AKAP6: variants seen among roughly 807,000 people sequenced by gnomAD.
The protein encoded by AKAP6 is A-kinase anchor protein 6.
A neutral mutation model predicts 188.5 loss-of-function variants in AKAP6; 58 were observed. The ratio of observed to expected loss-of-function variants is 0.31; its 90% CI spans 0.25 to 0.38. The LOEUF (loss-of-function observed/expected upper bound fraction) is 0.38. AKAP6 is among the 10% of genes least tolerant of loss of function. The pLI, the probability that AKAP6 is intolerant of heterozygous loss-of-function variation, is 1.00. For missense variants in AKAP6, 2,710 were observed against 2,740.0 expected, an observed-to-expected ratio of 0.99 and a Z score of 0.24; for synonymous variants, 989 against 998.6, an observed-to-expected ratio of 0.99 and a Z score of 0.18.
intron 12 of AKAP6, among the ~76,000 whole-genome samples, chr14:32,786,026 A>T (rs1292232440): frequency 6.6e-6 from 1 of 152,126 alleles, no homozygotes; most frequent in African/African-American, 2.4e-5. Context: ...TTTTTAGGAA[A>T]ATGTTCTGGG....
At chr14:32,750,755 T>A (rs1230143520) in intron 11 of AKAP6, among the ~76,000 whole-genome samples, 1 of 150,740 alleles carries the variant, frequency 6.6e-6, no homozygotes, top group Non-Finnish European at 1.5e-5. Context: ...TTTTTTGTTT[T>A]TTTTTCAGAT....
chr14:32,450,946 G>T (rs940271830), intron 2 of AKAP6, among the ~76,000 whole-genome samples: 1 of 152,038 alleles, frequency 6.6e-6, no homozygotes, highest in Admixed American at 6.6e-5. Flanking sequence ...ATTTATAATA[G>T]TAAAATGTTG....
chr14:32,664,548 A>G (rs981229476), intron 7 of AKAP6, among the ~76,000 whole-genome samples: 1 of 152,142 alleles, frequency 6.6e-6, no homozygotes, highest in African/African-American at 2.4e-5. Context: ...TTAAGTCACA[A>G]TTTTGTTTAA....
chr14:32,686,685 G>T (rs979833382), intron 8 of AKAP6, among the ~76,000 whole-genome samples: 2 of 152,154 alleles, frequency 1.3e-5, no homozygotes, highest in African/African-American at 4.8e-5. Flanking sequence ...ACTAGGTAGG[G>T]GGAGTATCTG....
Position 32,830,591 on chromosome 14 carries a change from C to T in AKAP6, c.*786C>T, listed in dbSNP as rs1418236451. The T allele has an allele frequency of 1.3e-5, 2 of 152,402 alleles. No individual in the cohort carries two copies. The highest frequency in any genetic ancestry group is 2.4e-5 in the African/African-American group (1 of 41,366). 9.4% of individuals were successfully genotyped at this position (152,402 alleles called of 1,614,324 possible). On this transcript the variant is annotated 3_prime_UTR_variant, in exon 14 of 14. Coordinates refer to ENST00000280979, the MANE Select transcript of AKAP6 (RefSeq NM_004274.5). ...ACCATTTATTAAAAAGCTGCTTTCA[C>T]GGTAAAATTATGTTGGTTTGAAAGG... is the stretch of plus-strand genomic sequence containing the variant.
At chr14:32,754,218 C>G (rs1004693498) in intron 11 of AKAP6, among the ~76,000 whole-genome samples, 1 of 151,958 alleles carries the variant, frequency 6.6e-6, no homozygotes, top group African/African-American at 2.4e-5. Context: ...ATTGTTATAT[C>G]CTTTAGATGA....
intron 2 of AKAP6, among the ~76,000 whole-genome samples, chr14:32,440,274 G>A (rs1382498441): frequency 1.4e-5 from 2 of 147,464 alleles, no homozygotes; most frequent in Non-Finnish European, 3.0e-5. Context: ...GGTGGGAACT[G>A]AACAATGAGA....
At chr14:32,735,969 T>C (rs1307010951) in intron 11 of AKAP6, 87 bp downstream of exon 11, 9 of 959,768 alleles carry the variant, frequency 9.4e-6, no homozygotes, top group Non-Finnish European at 1.4e-5. Context: ...ATTATACCCA[T>C]GTATCTGTGT....
At chr14:32,554,506 G>A (rs1021356831) in intron 4 of AKAP6, among the ~76,000 whole-genome samples, 1 of 152,180 alleles carries the variant, frequency 6.6e-6, no homozygotes, top group African/African-American at 2.4e-5. Context: ...CAAAGTGTGA[G>A]AGCTGGTATT....
intron 1 of AKAP6, among the ~76,000 whole-genome samples, chr14:32,411,965 T>C: frequency 7.4e-5 from 1 of 13,448 alleles, no homozygotes; most frequent in South Asian, 0.014. Context: ...TACCAGGAAA[T>C]GGCTTTAAAA....
At chr14:32,739,409 T>C (rs901129766) in intron 11 of AKAP6, among the ~76,000 whole-genome samples, 2 of 152,068 alleles carry the variant, frequency 1.3e-5, no homozygotes, top group Admixed American at 1.3e-4. Context: ...TTTAAAAATA[T>C]ACAATTAAGT....
At chr14:32,407,833 G>C (rs988846920) in intron 1 of AKAP6, among the ~76,000 whole-genome samples, 14 of 152,246 alleles carry the variant, frequency 9.2e-5, no homozygotes, top group Admixed American at 5.9e-4. Context: ...GTATCAACGT[G>C]GAGGAGAAGG....
At chr14:32,686,622 A>T (rs577239004) in intron 8 of AKAP6, among the ~76,000 whole-genome samples, 2 of 152,158 alleles carry the variant, frequency 1.3e-5, no homozygotes, top group South Asian at 4.1e-4. Flanking sequence ...AAATAAAAAA[A>T]GTAGAAGAGG....
intron 7 of AKAP6, among the ~76,000 whole-genome samples, chr14:32,631,537 A>G (rs1887274041): frequency 6.6e-6 from 1 of 152,030 alleles, no homozygotes; most frequent in South Asian, 2.1e-4. Context: ...GGAGAAATAC[A>G]TTTATTGATC....
intron 1 of AKAP6, among the ~76,000 whole-genome samples, chr14:32,395,369 C>T (rs1888844929): frequency 6.6e-6 from 1 of 152,008 alleles, no homozygotes; most frequent in Non-Finnish European, 1.5e-5. Context: ...TAGATACAGC[C>T]CTTGAGCCCC....
At chr14:32,751,962 G>A (rs540004892) in intron 11 of AKAP6, among the ~76,000 whole-genome samples, 2 of 152,162 alleles carry the variant, frequency 1.3e-5, no homozygotes, top group Admixed American at 1.3e-4. Flanking sequence ...TTTCAGTATT[G>A]TTCTGAGTCT....
At chr14:32,804,623 A>G (rs2034040270) in intron 12 of AKAP6, among the ~76,000 whole-genome samples, 1 of 152,138 alleles carries the variant, frequency 6.6e-6, no homozygotes, top group African/African-American at 2.4e-5. Flanking sequence ...AACATCTTAA[A>G]CAACAGAAAA....
At chr14:32,819,822 C>A (rs952960250) in intron 12 of AKAP6, among the ~76,000 whole-genome samples, 2 of 152,010 alleles carry the variant, frequency 1.3e-5, no homozygotes, top group East Asian at 3.9e-4. Context: ...GTGGCACGCA[C>A]CTGTAGTCCC....
chr14:32,391,671 G>T (rs1888722071), intron 1 of AKAP6, among the ~76,000 whole-genome samples: 6 of 152,138 alleles, frequency 3.9e-5, no homozygotes, highest in Admixed American at 3.9e-4. Context: ...TGATGAAAGT[G>T]TGTGGAACCT....
Sources: gnomAD v4.1 joint callset for allele counts (sites outside exome capture counted in the v4.1 genomes callset) on GRCh38, gnomAD v4.1.1 for gene constraint, MANE v1.5 for transcripts, NCBI Gene and HGNC (gene_info 2026-07-23, HGNC 2026-07-21) for gene names.